LIN37: variants seen among roughly 807,000 people sequenced by gnomAD.
LIN37 encodes lin-37 DREAM MuvB core complex component.
A neutral mutation model predicts 38.0 loss-of-function variants in LIN37; 21 were observed. That is an observed-to-expected ratio of 0.55 (90% CI 0.39 to 0.80). The LOEUF (loss-of-function observed/expected upper bound fraction) is 0.80, where lower values mean the gene tolerates loss of function less well. LIN37 is among the 30% of genes least tolerant of loss of function. The pLI is 0.00. For synonymous variants in LIN37, 126 were observed against 122.9 expected (o/e 1.03, Z -0.17); for missense variants, 273 against 338.5 (o/e 0.81, Z 1.52).
intron 1 of LIN37, 191 bp downstream of exon 1, chr19:35,748,949 G>C: frequency 6.8e-7 from 1 of 1,468,140 alleles, no homozygotes; most frequent in Non-Finnish European, 9.0e-7. Flanking sequence ...AAGTCGCTTT[G>C]AGATTGAATG....
At chr19:35,753,748 TCC>T in intron 6 of LIN37, 1 of 564,712 alleles carries the variant, frequency 1.8e-6, no homozygotes, top group Non-Finnish European at 3.2e-6. Flanking sequence ...TAGACAGGAT[TCC>T]CTGAGGCAGG....
chr19:35,749,346 G>C (rs1162770033), intron 1 of LIN37, among the ~76,000 whole-genome samples: 1 of 152,160 alleles, frequency 6.6e-6, no homozygotes, highest in African/African-American at 2.4e-5. Context: ...GTGGTCAATG[G>C]GTGAAGCTTA....
chr19:35,753,737 CT>C (rs1970712867), intron 6 of LIN37: 1 of 559,614 alleles, frequency 1.8e-6, no homozygotes, highest in African/African-American at 1.9e-5. Context: ...ACGTGACCCC[CT>C]AGACAGGATT....
In LIN37 at chr19:35,748,706, C is replaced by G. The variant is rs1970635913; in HGVS notation, c.-19C>G. ...TTGGGGCGCCTCTGACCCAGCTAGC[C>G]AGATCCCGGACCCAAACCATGTTCC... On this transcript the variant is annotated 5_prime_UTR_variant, in exon 1 of 9. Transcript: ENST00000301159. 1 of 1,613,892 alleles carries G rather than the reference C, an allele frequency of 6.2e-7. No individual in the cohort carries two copies. Among genetic ancestry groups the G allele is most frequent in the African/African-American group, 1.3e-5 (1 of 75,050 alleles).
chr19:35,749,635 A>C (rs1300887165), intron 1 of LIN37, among the ~76,000 whole-genome samples: 4 of 126,818 alleles, frequency 3.2e-5, no homozygotes, highest in African/African-American at 1.4e-4. Context: ...CTCTATAAAA[A>C]ATACAAAAAA....
At position 35,748,774 on chromosome 19, in the gene LIN37, TCG is replaced by T; in HGVS notation, c.34+17_34+18del. The T allele has an allele frequency of 2.5e-6, 4 of 1,613,754 alleles. No individual in the cohort carries two copies. The highest frequency in any genetic ancestry group is 3.4e-6 in the Non-Finnish European group (4 of 1,179,776). ...GAGAAATCAGGTGAGGACCCTGACG[TCG>T]GGGGCCTGTCGGGACCATCGGGTTG... On this transcript the variant is annotated intron_variant, in intron 1 of 8. Transcript: ENST00000301159.
chr19:35,752,579 A>C (rs967842716), intron 3 of LIN37, 95 bp downstream of exon 3: 4 of 1,403,018 alleles, frequency 2.9e-6, no homozygotes, highest in Non-Finnish European at 4.0e-6. Flanking sequence ...CGCTACCTCC[A>C]TCGTGGCCCG....
chr19:35,753,053 G>T, intron 5 of LIN37, 34 bp from the exon 6 acceptor site: 1 of 1,594,380 alleles, frequency 6.3e-7, no homozygotes, highest in Non-Finnish European at 8.5e-7. Flanking sequence ...CCTATGCAAG[G>T]ATGCTCACAC....
chr19:35,751,314 C>G (rs1386782051), intron 1 of LIN37, among the ~76,000 whole-genome samples: 1 of 152,094 alleles, frequency 6.6e-6, no homozygotes, highest in East Asian at 1.9e-4. Context: ...GAGCAAGACT[C>G]CGTCTCACAA....
chr19:35,750,019 TG>T (rs1970660343), intron 1 of LIN37, among the ~76,000 whole-genome samples: 1 of 151,576 alleles, frequency 6.6e-6, no homozygotes, highest in Non-Finnish European at 1.5e-5. Context: ...GGCTGCCTTG[TG>T]GAGGGTGTAT....
In LIN37 at chr19:35,753,238, G is replaced by A. The variant is rs1374189179; in HGVS notation, c.429G>A (p.Leu143=). ...ECSPSSPLPP[L]PEDEEGSEVT... ...CTCCCAGCTCACCCCTGCCCCCGCT[G>A]CCTGAGGATGAGGAGGTGGGATGGG... The change falls in exon 6 of 9, where the codon CTG becomes CTA. Residue 143 remains leucine (L), a synonymous_variant. Coordinates refer to ENST00000301159, the MANE Select transcript of LIN37 (RefSeq NM_019104.3). 2 of 1,550,792 alleles carry A rather than the reference G, an allele frequency of 1.3e-6. No homozygotes were observed. Among genetic ancestry groups the A allele is most frequent in the Non-Finnish European group, 1.7e-6 (2 of 1,148,490 alleles).
chr19:35,752,022 A>G lies in LIN37; in HGVS notation c.35-154A>G, dbSNP rs1485505178. ...AACTCAGAGCTCTGGGCATCACTCC[A>G]GCCATCTCTGCCTGTTGCACCCTTT... is the stretch of plus-strand genomic sequence containing the variant. On this transcript the variant is annotated intron_variant, in intron 1 of 8. Transcript: ENST00000301159. 3 of 609,274 alleles carry G rather than the reference A, an allele frequency of 4.9e-6. No individual in the cohort carries two copies. The African/African-American group carries it at 5.5e-5, about 11-fold the overall frequency. The allele number at this position is 609,274 out of a possible 1,614,324, so 37.7% of individuals were successfully genotyped here.
intron 1 of LIN37, among the ~76,000 whole-genome samples, chr19:35,751,366 G>A (rs1421480576): frequency 6.6e-6 from 1 of 152,112 alleles, no homozygotes; most frequent in African/African-American, 2.4e-5. Context: ...TTATACCACT[G>A]CCTCAACCAG....
At chr19:35,753,542 C>A (rs1352906120) in intron 6 of LIN37, 5 of 555,546 alleles carry the variant, frequency 9.0e-6, no homozygotes, top group Non-Finnish European at 1.6e-5. Flanking sequence ...AGGGGCTAGA[C>A]AAGGGTCCTT....
chr19:35,754,327 TC>T lies in LIN37; in HGVS notation c.659+13del. 8 of 1,613,942 alleles carry T rather than the reference TC, an allele frequency of 5.0e-6. No homozygotes were observed. Among genetic ancestry groups the T allele is most frequent in the Non-Finnish European group, 6.8e-6 (8 of 1,179,866 alleles). On this transcript the variant is annotated intron_variant, in intron 8 of 8. Coordinates refer to ENST00000301159, the MANE Select transcript of LIN37 (RefSeq NM_019104.3). ...GAAACGCATCCGCCAGAGGTGAGCG[TC>T]CCCCAGCCTGCTTGCCCCTCGTAGG...
At chr19:35,752,136 G>C (rs1292083435) in intron 1 of LIN37, 40 bp from the exon 2 acceptor site, 1 of 1,507,894 alleles carries the variant, frequency 6.6e-7, no homozygotes, top group Non-Finnish European at 9.1e-7. Flanking sequence ...CCTAGCTGGG[G>C]CCTGGGAGCT....
At position 35,753,009 on chromosome 19, in the gene LIN37, C is replaced by T. The variant is rs1376850053; in HGVS notation, c.277+10C>T. 1.9e-6 allele frequency: 3 copies of T among 1,569,548 alleles called. No individual in the cohort carries two copies. The highest frequency in any genetic ancestry group is 3.7e-5 in the Admixed American group (2 of 54,214). ...GGGCCGCAGCGATCCAGTGAGTAGA[C>T]AGTGGCCCTAGAGGGTCGGTAAGGA... is the stretch of plus-strand genomic sequence containing the variant. On this transcript the variant is annotated intron_variant, in intron 5 of 8. Transcript: ENST00000301159.
intron 3 of LIN37, 99 bp downstream of exon 3, chr19:35,752,583 TGGCCCGGAC>T: frequency 7.3e-7 from 1 of 1,371,300 alleles, no homozygotes; most frequent in Non-Finnish European, 1.0e-6. Context: ...ACCTCCATCG[TGGCCCGGAC>T]CACTCCACCT....
intron 1 of LIN37, among the ~76,000 whole-genome samples, chr19:35,749,737 G>A (rs1255980674): frequency 2.0e-5 from 3 of 151,330 alleles, no homozygotes; most frequent in South Asian, 2.1e-4. Flanking sequence ...CCGGGGAGGC[G>A]GAGGTTGCAG....
Sources: allele counts gnomAD v4.1 joint callset (sites outside exome capture counted in the v4.1 genomes callset), GRCh38; gene constraint gnomAD v4.1.1; transcripts MANE v1.5; gene names NCBI Gene and HGNC (gene_info 2026-07-23, HGNC 2026-07-21).